The following IL6R variants were observed in gnomAD, a reference collection of about 807,000 sequenced individuals.
The protein encoded by IL6R is interleukin-6 receptor subunit alpha.
Under a neutral mutation model 48.3 loss-of-function variants are expected in IL6R, and 38 were observed. The observed-to-expected ratio is 0.79, with a 90% CI of 0.61 to 1.03. The LOEUF (loss-of-function observed/expected upper bound fraction) is 1.03. Ranked by LOEUF, IL6R falls within the 50% of genes least tolerant of loss-of-function variation. The pLI is 0.00. For missense variants in IL6R, 534 were observed against 618.3 expected, an observed-to-expected ratio of 0.86 and a Z score of 1.45; for synonymous variants, 264 against 256.2, an observed-to-expected ratio of 1.03 and a Z score of -0.29.
intron 1 of IL6R, among the ~76,000 whole-genome samples, chr1:154,425,429 G>A (rs530980748): frequency 6.6e-6 from 1 of 152,264 alleles, no homozygotes; most frequent in East Asian, 1.9e-4. Context: ...GTCACACAAC[G>A]AAATATTACA....
At position 154,435,174 on chromosome 1, in the gene IL6R, T is replaced by A; in HGVS notation, c.807+18T>A. The stretch of plus-strand genomic sequence containing the variant: ...CATGGATGGTAAATTTATGTTTTAC[T>A]TCTGGTCAGAGAGGCGCCCCTAGAT... On this transcript the variant is annotated intron_variant, in intron 5 of 9. Transcript: ENST00000368485. The A allele has an allele frequency of 6.2e-7, 1 of 1,612,400 alleles. No individual in the cohort carries two copies. The highest frequency in any genetic ancestry group is 8.5e-7 in the Non-Finnish European group (1 of 1,178,596).
At chr1:154,439,605 G>A (rs1321572250) in intron 6 of IL6R, among the ~76,000 whole-genome samples, 1 of 152,102 alleles carries the variant, frequency 6.6e-6, no homozygotes, top group Admixed American at 6.5e-5. Flanking sequence ...GTGAGCCACC[G>A]CGCCCTGCCC....
chr1:154,437,624 C>T (rs1222252954), intron 6 of IL6R: 2 of 268,608 alleles, frequency 7.4e-6, no homozygotes, highest in African/African-American at 4.4e-5. Flanking sequence ...GCTGCCCAGG[C>T]TGGTCTCGAA....
In IL6R at chr1:154,450,064, G is replaced by A; in HGVS notation, c.1066+84G>A. 3 of 831,434 alleles carry A rather than the reference G, an allele frequency of 3.6e-6. No individual in the cohort carries two copies. In the South Asian group the frequency reaches 4.0e-5, roughly 11 times the overall value. The allele number at this position is 831,434 out of a possible 1,614,324, so 51.5% of individuals were successfully genotyped here. ...AGAAAGTCCTTTCTTATTTGGACATGTCGTCAGAGGATCAATCACAGATCA... is the reference window on the plus strand; with the variant it reads ...AGAAAGTCCTTTCTTATTTGGACATATCGTCAGAGGATCAATCACAGATCA... On this transcript the variant is annotated intron_variant, in intron 8 of 9. Coordinates refer to ENST00000368485, the MANE Select transcript of IL6R (RefSeq NM_000565.4).
rs539554555 is a variant in IL6R at position 154,423,825 on chromosome 1, T to G, written c.86-5371T>G. On this transcript the variant is annotated intron_variant, in intron 1 of 9. Coordinates refer to ENST00000368485, the MANE Select transcript of IL6R (RefSeq NM_000565.4). Reference sequence around the variant, plus strand: ...AGGAAGTGGCCATTATGTTGCTCCCTGCAGCTCTGCTTTTGTGGAAGAGGG... The same window carrying G: ...AGGAAGTGGCCATTATGTTGCTCCCGGCAGCTCTGCTTTTGTGGAAGAGGG... Among the ~76,000 whole-genome samples, 86 of 152,314 alleles carry G rather than the reference T, an allele frequency of 5.6e-4. 1 individual carries two copies. In the South Asian group the frequency reaches 9.5e-3, roughly 17 times the overall value.
intron 1 of IL6R, among the ~76,000 whole-genome samples, chr1:154,414,055 G>GCCAT (rs1688192694): frequency 6.6e-6 from 1 of 151,828 alleles, no homozygotes; most frequent in Non-Finnish European, 1.5e-5. Flanking sequence ...ACGGGATTTT[G>GCCAT]CCATGTTGCT....
chr1:154,457,969 T>TTTC (rs10629163), intron 9 of IL6R, among the ~76,000 whole-genome samples: 74,960 of 115,722 alleles, frequency 0.65, 21,182 homozygotes, highest in East Asian at 0.75. Flanking sequence ...TTCTTTTTCT[T>TTTC]TTTTTTTTTT....
chr1:154,406,951 G>A (rs934474152), intron 1 of IL6R, among the ~76,000 whole-genome samples: 1 of 152,200 alleles, frequency 6.6e-6, no homozygotes, highest in Non-Finnish European at 1.5e-5. Flanking sequence ...GGAGACTGAG[G>A]TTCAGGGAGG....
chr1:154,453,021 A>G (rs1690672858), intron 8 of IL6R, among the ~76,000 whole-genome samples: 1 of 151,904 alleles, frequency 6.6e-6, no homozygotes, highest in Admixed American at 6.6e-5. Context: ...CTTGGGCAAC[A>G]TGGCAAAACC....
chr1:154,441,230 T>C (rs553207030), intron 6 of IL6R, among the ~76,000 whole-genome samples: 19 of 152,282 alleles, frequency 1.2e-4, no homozygotes, highest in Admixed American at 1.2e-3. Flanking sequence ...CTGGTCTCAT[T>C]TGTGGATGTC....
intron 1 of IL6R, among the ~76,000 whole-genome samples, chr1:154,422,173 C>T (rs890454523): frequency 1.3e-5 from 2 of 152,058 alleles, no homozygotes; most frequent in Admixed American, 1.3e-4. Flanking sequence ...AACTCCCGAC[C>T]TCAGGTGATC....
chr1:154,440,345 A>G (rs1689864200), intron 6 of IL6R, among the ~76,000 whole-genome samples: 3 of 152,366 alleles, frequency 2.0e-5, no homozygotes, highest in South Asian at 4.1e-4. Flanking sequence ...TTGGTTGTGC[A>G]TAATGCTGCT....
intron 1 of IL6R, among the ~76,000 whole-genome samples, chr1:154,421,742 C>A (rs1688675546): frequency 6.6e-6 from 1 of 151,978 alleles, no homozygotes; most frequent in Non-Finnish European, 1.5e-5. Context: ...GCCACAGCCT[C>A]CCAGATAGCT....
At chr1:154,442,788 CTT>C (rs10539207) in intron 6 of IL6R, among the ~76,000 whole-genome samples, 46 of 137,380 alleles carry the variant, frequency 3.3e-4, no homozygotes, top group Admixed American at 6.9e-4. Context: ...TCATTTTCTT[CTT>C]TTTTTTTTTT....
chr1:154,418,560 C>A, intron 1 of IL6R: 1 of 268,768 alleles, frequency 3.7e-6, no homozygotes, highest in Non-Finnish European at 5.7e-6. Context: ...ACAGGTGGGG[C>A]TGGGAGCTGA....
At chr1:154,438,104 A>G (rs1689738106) in intron 6 of IL6R, among the ~76,000 whole-genome samples, 1 of 152,126 alleles carries the variant, frequency 6.6e-6, no homozygotes. Flanking sequence ...CCCTTGTCCC[A>G]TGCCTTCCAT....
At chr1:154,414,414 G>C (rs542438883) in intron 1 of IL6R, 3 of 1,421,958 alleles carry the variant, frequency 2.1e-6, no homozygotes, top group Admixed American at 3.5e-5. Flanking sequence ...TGTTTGGCCA[G>C]TTCTGTGGAG....
In IL6R at chr1:154,467,908, T is replaced by C. The variant is rs1220927149; in HGVS notation, c.*2528T>C. 1 of 152,222 alleles carries C rather than the reference T, an allele frequency of 6.6e-6. No homozygotes were observed. The highest frequency in any genetic ancestry group is 2.4e-5 in the African/African-American group (1 of 41,458). 9.4% of individuals were successfully genotyped at this position (152,222 alleles called of 1,614,324 possible). The stretch of plus-strand genomic sequence containing the variant: ...TGATTCTGTGCCCACAGTTCTTCAA[T>C]TCTTTATACCGTTTTACCCACATGT... On this transcript the variant is annotated 3_prime_UTR_variant, in exon 10 of 10. Coordinates refer to ENST00000368485, the MANE Select transcript of IL6R (RefSeq NM_000565.4).
chr1:154,434,568 G>C lies in IL6R; in HGVS notation c.508G>C (p.Glu170Gln). The C allele has an allele frequency of 1.2e-6, 2 of 1,614,070 alleles. No individual in the cohort carries two copies. Among genetic ancestry groups the C allele is most frequent in the Non-Finnish European group, 1.7e-6 (2 of 1,180,024 alleles). ...DFQEPCQYSQ[E>Q]SQKFSCQLAV... is the part of the protein sequence containing the mutation. ...CCAGGAGCCGTGCCAGTATTCCCAG[G>C]AGTCCCAGAAGTTCTCCTGCCAGTT... The change falls in exon 4 of 10, where the codon GAG (glutamate) becomes CAG (glutamine). Residue 170 changes from glutamate (E) to glutamine (Q), a missense_variant. Physicochemically the swap from Glu to Gln is conservative, Grantham distance 29. Coordinates refer to ENST00000368485, the MANE Select transcript of IL6R (RefSeq NM_000565.4).
Sources: allele counts gnomAD v4.1 joint callset (sites outside exome capture counted in the v4.1 genomes callset), GRCh38; gene constraint gnomAD v4.1.1; transcripts MANE v1.5; gene names NCBI Gene and HGNC (gene_info 2026-07-23, HGNC 2026-07-21).